Variants in ZZEF1 observed in about 807,000 individuals in gnomAD.
The protein encoded by ZZEF1 is zinc finger ZZ-type and EF-hand domain-containing protein 1.
In ZZEF1, 157 loss-of-function variants were observed where a neutral mutation model predicts 342.8. The observed-to-expected ratio is 0.46, with a 90% confidence interval of 0.40 to 0.52. The LOEUF is 0.52. Among genes scored for constraint, ZZEF1 ranks in the 20% least tolerant of loss-of-function variants. ZZEF1 has a pLI of 0.00. For synonymous variants in ZZEF1, 1,505 were observed against 1,429.1 expected (o/e 1.05, Z -1.20); for missense variants, 3,480 against 3,725.6 (o/e 0.93, Z 1.72).
Position 4,044,357 on chromosome 17 carries a change from A to G in ZZEF1, c.6033T>C (p.His2011=). ...TGAAATCTACAGGTCTGATTTCCTCATGAACAGCTCTCTTTCCCTAAAAAA... is the reference window on the plus strand; with the variant it reads ...TGAAATCTACAGGTCTGATTTCCTCGTGAACAGCTCTCTTTCCCTAAAAAA... The part of the protein sequence containing the change: ...SEAGNGKRAV[H]EEIRPVDFKQ... Residue 2011 remains histidine, a synonymous_variant, in exon 38 of 55, where the codon CAT becomes CAC. Transcript: ENST00000381638. The G allele has an allele frequency of 6.2e-7, 1 of 1,612,832 alleles. No homozygotes were observed. The highest frequency in any genetic ancestry group is 1.1e-5 in the South Asian group (1 of 90,692).
intron 1 of ZZEF1, among the ~76,000 whole-genome samples, chr17:4,131,210 C>T (rs2058657700): frequency 6.6e-6 from 1 of 151,968 alleles, no homozygotes; most frequent in African/African-American, 2.4e-5. Context: ...AAATGAATCC[C>T]CAGGATGACG....
chr17:4,034,427 C>T (rs570586591), intron 39 of ZZEF1, 135 bp from the exon 40 acceptor site: 13 of 815,312 alleles, frequency 1.6e-5, no homozygotes, highest in African/African-American at 1.6e-4. Context: ...TTCATAAATG[C>T]CATATGTATA....
chr17:4,040,616 C>A (rs1462472548), intron 39 of ZZEF1, among the ~76,000 whole-genome samples: 1 of 152,124 alleles, frequency 6.6e-6, no homozygotes, highest in Admixed American at 6.5e-5. Context: ...TTAACTATAA[C>A]CATGTTTCTA....
chr17:4,103,390 A>AT (rs71383521), intron 8 of ZZEF1, among the ~76,000 whole-genome samples: 3 of 151,156 alleles, frequency 2.0e-5, no homozygotes, highest in Non-Finnish European at 4.4e-5. Context: ...AAAAAAAAAA[A>AT]TTTTTAACTA....
Position 4,034,274 on chromosome 17 carries a change from T to C in ZZEF1, c.6325A>G (p.Ile2109Val), listed in dbSNP as rs1441220811. The change falls in exon 40 of 55, where the codon ATA becomes GTA. Residue 2109 changes from isoleucine to valine, a missense_variant. Physicochemically the swap from Ile to Val is conservative, Grantham distance 29. This residue lies in a region of ZZEF1 where 1,269 missense variants were observed against 1,342.4 expected (regional missense o/e 0.95). Coordinates refer to ENST00000381638, the MANE Select transcript of ZZEF1 (RefSeq NM_015113.4). Reference protein sequence around the residue: ...PLKSGPTVPLIDLEHVLPLMF... With the variant: ...PLKSGPTVPLVDLEHVLPLMF... ...AGTGGAAGGACGTGCTCCAGGTCTA[T>C]CAGGGGAACCGTGGGGCCCTGCCAA... 1 of 1,614,210 alleles carries C rather than the reference T, an allele frequency of 6.2e-7. No individual in the cohort carries two copies. The highest frequency in any genetic ancestry group is 8.5e-7 in the Non-Finnish European group (1 of 1,180,030).
intron 42 of ZZEF1, among the ~76,000 whole-genome samples, chr17:4,029,647 G>A (rs998657432): frequency 1.3e-4 from 20 of 151,464 alleles, no homozygotes; most frequent in African/African-American, 4.1e-4. Flanking sequence ...AGGCTGAGGC[G>A]GGTGGATCAC....
rs1426955029 is a variant in ZZEF1, at chr17:4,016,266, C to A, written c.8145+57G>T. On this transcript the variant is annotated intron_variant, in intron 49 of 54. Transcript: ENST00000381638. The surrounding 1 kb of genome is among the most constrained non-coding windows in gnomAD (Gnocchi z 4.4). Reference sequence around the variant, plus strand: ...CATGGAGGGGCTGAGCACGGAGGGGCTGACGAGGTCTCTGCGGCTCAGTCG... The same window carrying A: ...CATGGAGGGGCTGAGCACGGAGGGGATGACGAGGTCTCTGCGGCTCAGTCG... The A allele has an allele frequency of 6.4e-7, 1 of 1,564,192 alleles. No individual in the cohort carries two copies. Among genetic ancestry groups the A allele is most frequent in the Non-Finnish European group, 8.6e-7 (1 of 1,160,362 alleles).
At chr17:4,091,984 G>A (rs1362988811) in intron 11 of ZZEF1, among the ~76,000 whole-genome samples, 12 of 151,690 alleles carry the variant, frequency 7.9e-5, no homozygotes, top group Admixed American at 4.6e-4. Flanking sequence ...GCTCAGGCAG[G>A]GGAATTGCTT....
intron 42 of ZZEF1, among the ~76,000 whole-genome samples, chr17:4,031,552 A>G (rs1005831256): frequency 6.6e-5 from 10 of 152,266 alleles, no homozygotes; most frequent in Non-Finnish European, 1.5e-4. Context: ...GATCTTAGAC[A>G]TTTACATACA....
intron 52 of ZZEF1, among the ~76,000 whole-genome samples, chr17:4,011,551 T>TG (rs1382696417): frequency 5.9e-5 from 9 of 152,134 alleles, no homozygotes; most frequent in East Asian, 1.9e-4. Flanking sequence ...GGGGTTTTTT[T>TG]TTTGTGTGTG....
chr17:4,132,193 A>C (rs2058671106), intron 1 of ZZEF1, among the ~76,000 whole-genome samples: 1 of 135,992 alleles, frequency 7.4e-6, no homozygotes, highest in Non-Finnish European at 1.6e-5. Context: ...TAAAAGCCTA[A>C]ATTTTCTCTT....
At position 4,059,164 on chromosome 17, in the gene ZZEF1, C is replaced by A; in HGVS notation, c.5003+7G>T. On this transcript the variant is annotated splice_region_variant and intron_variant, in intron 31 of 54. Coordinates refer to ENST00000381638, the MANE Select transcript of ZZEF1 (RefSeq NM_015113.4). Reference sequence around the variant, plus strand: ...TTTTCTCTAGAAATGATAAAGTTATCCAGTACCTGTCATTTAGGCTACTAA... The same window carrying A: ...TTTTCTCTAGAAATGATAAAGTTATACAGTACCTGTCATTTAGGCTACTAA... 6.4e-7 allele frequency: 1 copy of A among 1,573,890 alleles called. No individual in the cohort carries two copies.
At chr17:4,060,498 G>A (rs1229330613) in intron 30 of ZZEF1, among the ~76,000 whole-genome samples, 6 of 152,000 alleles carry the variant, frequency 3.9e-5, no homozygotes, top group Non-Finnish European at 7.4e-5. Context: ...GCAGTGAGCC[G>A]GGATCATGCC....
intron 1 of ZZEF1, among the ~76,000 whole-genome samples, chr17:4,137,855 A>C (rs2058778225): frequency 6.6e-6 from 1 of 152,224 alleles, no homozygotes; most frequent in African/African-American, 2.4e-5. Flanking sequence ...TGGAGACACT[A>C]TCTGAATCAT....
chr17:4,040,687 G>A (rs2056784099), intron 39 of ZZEF1, among the ~76,000 whole-genome samples: 1 of 152,286 alleles, frequency 6.6e-6, no homozygotes, highest in African/African-American at 2.4e-5. Context: ...AACTTAGGAA[G>A]GGGCAGGGAA....
chr17:4,009,047 A>T, intron 53 of ZZEF1, 93 bp from the exon 54 acceptor site: 1 of 1,428,692 alleles, frequency 7.0e-7, no homozygotes, highest in Non-Finnish European at 9.5e-7. Context: ...CGAAAGCAGA[A>T]GCCTCTCATG....
chr17:4,022,786 C>T lies in ZZEF1; in HGVS notation c.7135G>A (p.Asp2379Asn), dbSNP rs764056120. ...EEIRATFLQT[D>N]LLKLLVKKCS... ...TTTTTCACCAGCAACTTCAGCAAATCGGTCTGAAGGAAAGTAGCACGGATC... is the reference window on the plus strand; with the variant it reads ...TTTTTCACCAGCAACTTCAGCAAATTGGTCTGAAGGAAAGTAGCACGGATC... The change falls in exon 44 of 55, where the codon GAT (aspartate) becomes AAT (asparagine). Residue 2379 changes from aspartate to asparagine, a missense_variant. Physicochemically the swap from Asp to Asn is conservative, Grantham distance 23 (BLOSUM62 1). Transcript: ENST00000381638. 83 of 1,613,648 alleles carry T rather than the reference C, an allele frequency of 5.1e-5. No individual in the cohort carries two copies. Among genetic ancestry groups the T allele is most frequent in the Non-Finnish European group, 6.4e-5 (76 of 1,179,978 alleles).
intron 37 of ZZEF1, among the ~76,000 whole-genome samples, chr17:4,045,953 G>A (rs1438007527): frequency 2.6e-5 from 4 of 151,480 alleles, no homozygotes; most frequent in South Asian, 2.1e-4. Flanking sequence ...TCAGCCTCAC[G>A]AGTAGCTGGG....
At position 4,076,940 on chromosome 17, in the gene ZZEF1, G is replaced by C. The variant is rs140403752; in HGVS notation, c.3039C>G (p.Phe1013Leu). ...CTATGGTTTTTCCACTGTACTGTGA[G>C]AAAAGGGATTCCAAAATCGCTCTCA... Reference protein sequence around the residue: ...ASMRAILESLFSQYSGKTIVE... With the variant: ...ASMRAILESLLSQYSGKTIVE... Residue 1013 changes from phenylalanine to leucine, a missense_variant, in exon 20 of 55, where the codon TTC (phenylalanine) becomes TTG (leucine). Transcript: ENST00000381638. 1.0e-4 allele frequency: 166 copies of C among 1,613,962 alleles called. No individual in the cohort carries two copies. In the Admixed American group the frequency reaches 2.7e-3, roughly 26 times the overall value.
Sources: allele counts gnomAD v4.1 joint callset (sites outside exome capture counted in the v4.1 genomes callset), GRCh38; gene constraint gnomAD v4.1.1; regional missense constraint gnomAD v4.1.1; non-coding constraint Gnocchi (gnomAD v3.1); transcripts MANE v1.5; gene names NCBI Gene and HGNC (gene_info 2026-07-23, HGNC 2026-07-21).